The following SPTBN1 variants were observed in gnomAD, a reference collection of about 807,000 sequenced individuals.
The protein encoded by SPTBN1 is spectrin beta chain, non-erythrocytic 1.
A neutral mutation model predicts 266.4 loss-of-function variants in SPTBN1; 32 were observed. That is an observed-to-expected ratio of 0.12 (90% CI 0.09 to 0.16). The LOEUF (loss-of-function observed/expected upper bound fraction) is 0.16. Ranked by LOEUF, SPTBN1 falls within the 10% of genes least tolerant of loss-of-function variation. The probability of loss-of-function intolerance (pLI) is 1.00; values close to 1 mark genes in which losing one functional copy is unlikely to be tolerated. For missense variants in SPTBN1, 2,296 were observed against 3,067.1 expected (o/e 0.75, Z 5.94); for synonymous variants, 1,336 against 1,162.2 (o/e 1.15, Z -3.04).
chr2:54,495,269 G>A (rs184561203), intron 1 of SPTBN1, among the ~76,000 whole-genome samples: 10 of 152,278 alleles, frequency 6.6e-5, no homozygotes, highest in Admixed American at 1.3e-4. Context: ...GTAAGCAGGG[G>A]ACAGACAAAA....
chr2:54,575,322 T>G (rs1429017322), intron 2 of SPTBN1, among the ~76,000 whole-genome samples: 1 of 152,254 alleles, frequency 6.6e-6, no homozygotes, highest in Non-Finnish European at 1.5e-5. Flanking sequence ...TTTTCTTTTC[T>G]GCAACTCCAG....
chr2:54,477,846 G>T (rs1667914753), intron 1 of SPTBN1, among the ~76,000 whole-genome samples: 1 of 152,080 alleles, frequency 6.6e-6, no homozygotes, highest in African/African-American at 2.4e-5. Context: ...GGGAGGCGGA[G>T]GTTGCAGTGA....
chr2:54,643,031 T>TA lies in SPTBN1; in HGVS notation c.3908dup (p.Tyr1303Ter), dbSNP rs1679682083. ...GATGCTCACAGCCCAGGACATGTCT[T>TA]ACGATGAAGCCAGAAATCTGCACAG... is the stretch of plus-strand genomic sequence containing the variant. ...EKMLTAQDMS[Y>*]DEARNLHSKW... Residue 1303 changes from tyrosine to a stop codon, truncating the protein, a stop_gained and frameshift_variant, in exon 19 of 36, where the codon TAC becomes TAAC. Transcript: ENST00000356805. LOFTEE classifies it high-confidence loss of function. 1 of 1,613,952 alleles carries TA rather than the reference T, an allele frequency of 6.2e-7. No homozygotes were observed. The highest frequency in any genetic ancestry group is 1.3e-5 in the African/African-American group (1 of 74,912).
At chr2:54,617,431 A>G (rs1572689737) in intron 5 of SPTBN1, among the ~76,000 whole-genome samples, 177 bp from the exon 6 acceptor site, 1 of 152,204 alleles carries the variant, frequency 6.6e-6, no homozygotes, top group East Asian at 1.9e-4. Context: ...TTTTATTTTT[A>G]TTTTATGGCA....
At chr2:54,650,124 T>A in intron 26 of SPTBN1, 135 bp downstream of exon 26, 1 of 1,146,714 alleles carries the variant, frequency 8.7e-7, no homozygotes, top group Non-Finnish European at 1.2e-6. Flanking sequence ...TGTACCCACT[T>A]TGTAATAGTG....
At chr2:54,650,563 G>T (rs970635001) in intron 26 of SPTBN1, among the ~76,000 whole-genome samples, 1 of 152,060 alleles carries the variant, frequency 6.6e-6, no homozygotes, top group Non-Finnish European at 1.5e-5. Flanking sequence ...AAAACAAATT[G>T]TATTTTTTTT....
At chr2:54,619,901 A>G (rs995730220) in intron 7 of SPTBN1, among the ~76,000 whole-genome samples, 2 of 152,172 alleles carry the variant, frequency 1.3e-5, no homozygotes, top group African/African-American at 4.8e-5. Context: ...ATTAAGAGAA[A>G]CAATTTTGCT....
At chr2:54,521,135 T>C (rs897898560) in intron 1 of SPTBN1, among the ~76,000 whole-genome samples, 1 of 152,244 alleles carries the variant, frequency 6.6e-6, no homozygotes, top group Non-Finnish European at 1.5e-5. Context: ...TAAACTGTCC[T>C]CACAGCTGGC....
intron 1 of SPTBN1, among the ~76,000 whole-genome samples, chr2:54,489,037 T>C (rs1320946173): frequency 6.6e-6 from 1 of 151,770 alleles, no homozygotes; most frequent in Non-Finnish European, 1.5e-5. Flanking sequence ...AATGCTGTAA[T>C]TGGCCAGACA....
chr2:54,563,053 A>G (rs1057465688), intron 2 of SPTBN1, among the ~76,000 whole-genome samples: 7 of 152,306 alleles, frequency 4.6e-5, no homozygotes, highest in Non-Finnish European at 8.8e-5. Flanking sequence ...GATAGAGGCA[A>G]ATAACTCATC....
chr2:54,641,401 G>A (rs1679545863), intron 18 of SPTBN1, among the ~76,000 whole-genome samples: 1 of 152,158 alleles, frequency 6.6e-6, no homozygotes, highest in African/African-American at 2.4e-5. Context: ...TCTGTTTTGT[G>A]TGTATGTACA....
intron 1 of SPTBN1, among the ~76,000 whole-genome samples, chr2:54,473,210 T>C (rs984638454): frequency 1.3e-5 from 2 of 152,256 alleles, no homozygotes; most frequent in Admixed American, 6.5e-5. Flanking sequence ...TACAGAGATT[T>C]ATAATTTGTA....
Position 54,649,059 on chromosome 2 carries a change from A to G in SPTBN1, c.5071A>G (p.Arg1691Gly). Residue 1691 changes from arginine to glycine, a missense_variant, in exon 25 of 36, where the codon AGA becomes GGA. Arg to Gly is a moderately radical substitution (Grantham distance 125). Around this residue, in one of 12 missense-constraint regions of SPTBN1, gnomAD observed 644 missense variants for 745.3 expected, o/e 0.86. Transcript: ENST00000356805. This position sits in a 1 kb window ranked among gnomAD's most constrained non-coding sequence, Gnocchi z 6.7. ...TCTGAAAGACCTTGCTGAAGAGAGAAGAGGCAAGCTGGATGAGAGACACAG... is the reference window on the plus strand; with the variant it reads ...TCTGAAAGACCTTGCTGAAGAGAGAGGAGGCAAGCTGGATGAGAGACACAG... ...AGLKDLAEER[R>G]GKLDERHRLF... 6.2e-7 allele frequency: 1 copy of G among 1,614,248 alleles called. No homozygotes were observed. Among genetic ancestry groups the G allele is most frequent in the Non-Finnish European group, 8.5e-7 (1 of 1,180,038 alleles).
intron 1 of SPTBN1, among the ~76,000 whole-genome samples, chr2:54,502,001 G>A (rs1669296560): frequency 6.6e-6 from 1 of 152,200 alleles, no homozygotes; most frequent in Non-Finnish European, 1.5e-5. Flanking sequence ...CTAGATTAAG[G>A]AGCTTTGGTT....
chr2:54,639,084 C>A (rs1679356122), intron 18 of SPTBN1, among the ~76,000 whole-genome samples: 2 of 152,306 alleles, frequency 1.3e-5, no homozygotes, highest in Non-Finnish European at 2.9e-5. Flanking sequence ...TGCCCGGAGC[C>A]AGACAGGCTG....
chr2:54,471,786 C>T (rs1396598072), intron 1 of SPTBN1, among the ~76,000 whole-genome samples: 1 of 105,772 alleles, frequency 9.5e-6, no homozygotes, highest in East Asian at 3.4e-4. Context: ...GAGGTGCTTT[C>T]CTCTTTTTTA....
intron 10 of SPTBN1, among the ~76,000 whole-genome samples, chr2:54,624,003 A>G (rs577509026): frequency 5.3e-5 from 8 of 152,370 alleles, no homozygotes; most frequent in South Asian, 4.1e-4. Context: ...CTGTCAAATA[A>G]GCAATTTTAA....
At chr2:54,548,807 T>C (rs1244982460) in intron 2 of SPTBN1, among the ~76,000 whole-genome samples, 1 of 152,186 alleles carries the variant, frequency 6.6e-6, no homozygotes, top group African/African-American at 2.4e-5. Context: ...CTTTCAGCTA[T>C]CATCTTCTGA....
chr2:54,522,648 G>GAA (rs1479796236), intron 1 of SPTBN1, among the ~76,000 whole-genome samples: 7 of 65,976 alleles, frequency 1.1e-4, no homozygotes, highest in Non-Finnish European at 1.2e-4. Flanking sequence ...AAGAAAGAAA[G>GAA]AGAGAGAGAA....
Sources: allele counts gnomAD v4.1 joint callset (sites outside exome capture counted in the v4.1 genomes callset), GRCh38; gene constraint gnomAD v4.1.1; regional missense constraint gnomAD v4.1.1; non-coding constraint Gnocchi (gnomAD v3.1); transcripts MANE v1.5; gene names NCBI Gene and HGNC (gene_info 2026-07-23, HGNC 2026-07-21).